POLR2E: variants seen among roughly 807,000 people sequenced by gnomAD.
POLR2E encodes the protein DNA-directed RNA polymerases I, II, and III subunit RPABC1.
Under a neutral mutation model 29.8 loss-of-function variants are expected in POLR2E, and 35 were observed. The ratio of observed to expected loss-of-function variants is 1.17; its 90% CI spans 0.90 to 1.55. POLR2E has a LOEUF of 1.55. Ranked by LOEUF, POLR2E falls within the 40% of genes most tolerant of loss-of-function variation. The pLI, the probability that POLR2E is intolerant of heterozygous loss-of-function variation, is 0.00. For synonymous variants in POLR2E, 174 were observed against 112.6 expected (o/e 1.55, Z -3.45); for missense variants, 287 against 288.6 (o/e 0.99, Z 0.04).
Position 1,095,295 on chromosome 19 carries a change from C to A in POLR2E, c.21G>T (p.Thr7=). The A allele has an allele frequency of 6.2e-7, 1 of 1,613,244 alleles. No individual in the cohort carries two copies. The part of the protein sequence containing the change: MDDEEE[T]YRLWKIRKTI... Reference sequence around the variant, plus strand: ...TCTTGCGGATTTTCCAGAGCCGGTACGTCTCCTCCTCGTCGTCCATGGCAG... The same window carrying A: ...TCTTGCGGATTTTCCAGAGCCGGTAAGTCTCCTCCTCGTCGTCCATGGCAG... The change falls in exon 1 of 8, where the codon ACG becomes ACT. Residue 7 remains threonine, a synonymous_variant. Coordinates refer to ENST00000615234, the MANE Select transcript of POLR2E (RefSeq NM_002695.5).
At position 1,087,704 on chromosome 19, in the gene POLR2E, T is replaced by C. The variant is rs1397097895; in HGVS notation, c.*1031A>G. On this transcript the variant is annotated 3_prime_UTR_variant, in exon 8 of 8. Coordinates refer to ENST00000615234, the MANE Select transcript of POLR2E (RefSeq NM_002695.5). ...TACATTTGGAGAGAAGGGGAAGCAC[T>C]GTCCCCATCACACACACAGTCCGCG... 7.6e-6 allele frequency: 1 copy of C among 132,446 alleles called. No homozygotes were observed. The highest frequency in any genetic ancestry group is 1.8e-5 in the Non-Finnish European group (1 of 55,604). 8.2% of individuals were successfully genotyped at this position (132,446 alleles called of 1,614,324 possible).
Position 1,087,718 on chromosome 19 carries a change from A to G in POLR2E, c.*1017T>C, listed in dbSNP as rs569146969. 6.6e-6 allele frequency: 1 copy of G among 152,492 alleles called. No individual in the cohort carries two copies. Among genetic ancestry groups the G allele is most frequent in the South Asian group, 2.1e-4 (1 of 4,840 alleles). 9.4% of individuals were successfully genotyped at this position (152,492 alleles called of 1,614,324 possible). A position where few individuals can be genotyped will look rare whatever the true frequency, so the allele number is the denominator to read the frequency against. On this transcript the variant is annotated 3_prime_UTR_variant, in exon 8 of 8. Coordinates refer to ENST00000615234, the MANE Select transcript of POLR2E (RefSeq NM_002695.5). ...AGGGGAAGCACTGTCCCCATCACAC[A>G]CACAGTCCGCGGCCTGGGGATCTGG...
At chr19:1,093,660 G>GA in intron 2 of POLR2E, 1 of 1,130,026 alleles carries the variant, frequency 8.8e-7, no homozygotes, top group Non-Finnish European at 1.2e-6. Context: ...AGGCCCTTGT[G>GA]ACTCTCCTCG....
intron 7 of POLR2E, among the ~76,000 whole-genome samples, chr19:1,089,215 G>A (rs1167038036): frequency 6.6e-6 from 1 of 152,234 alleles, no homozygotes; most frequent in Non-Finnish European, 1.5e-5. Flanking sequence ...TGCTTCTAAG[G>A]TGGGTCAGCG....
chr19:1,091,982 C>G lies in POLR2E; in HGVS notation c.233-75G>C. 1.2e-5 allele frequency: 12 copies of G among 1,016,412 alleles called. No individual in the cohort carries two copies. The South Asian group carries it at 1.4e-4, about 12-fold the overall frequency. 63.0% of individuals were successfully genotyped at this position (1,016,412 alleles called of 1,614,324 possible). A position where few individuals can be genotyped will look rare whatever the true frequency, so the allele number is the denominator to read the frequency against. On this transcript the variant is annotated intron_variant, in intron 2 of 7. Coordinates refer to ENST00000615234, the MANE Select transcript of POLR2E (RefSeq NM_002695.5). ...CTCGCCCACCCAGAGCCCAGAGCACCCAGGTTCCAGCCCCATTCCACACAG... is the reference window on the plus strand; with the variant it reads ...CTCGCCCACCCAGAGCCCAGAGCACGCAGGTTCCAGCCCCATTCCACACAG...
chr19:1,090,970 G>A lies in POLR2E; in HGVS notation c.367C>T (p.Pro123Ser). 6.2e-7 allele frequency: 1 copy of A among 1,613,670 alleles called. No homozygotes were observed. The highest frequency in any genetic ancestry group is 8.5e-7 in the Non-Finnish European group (1 of 1,179,984). Residue 123 changes from proline (P) to serine (S), a missense_variant, in exon 4 of 8, where the codon CCC becomes TCC. Pro to Ser is a moderately conservative substitution (Grantham distance 74). Transcript: ENST00000615234. ...SAKQSLVDMA[P>S]KYILEQFLQQ... ...AGAAACTGCTCCAGGATGTACTTGG[G>A]GGCCATGTCGACCAGGGACTGGAAG... is the stretch of plus-strand genomic sequence containing the variant.
chr19:1,089,610 A>ACAGCAGGCGGG, intron 6 of POLR2E, 59 bp from the exon 7 acceptor site: 2 of 1,442,812 alleles, frequency 1.4e-6, no homozygotes, highest in Non-Finnish European at 2.0e-6. Context: ...CAGTCACCAG[A>ACAGCAGGCGGG]CAGCAGGCGG....
At position 1,087,861 on chromosome 19, in the gene POLR2E, G is replaced by C. The variant is rs748336387; in HGVS notation, c.*874C>G. ...GTGGCTAGGTTAAACTTGGGCAGGC[G>C]AGGCCTTCTGAAATCAGACAGTAAG... On this transcript the variant is annotated 3_prime_UTR_variant, in exon 8 of 8. Transcript: ENST00000615234. 2.0e-5 allele frequency: 3 copies of C among 152,226 alleles called. No individual in the cohort carries two copies. The highest frequency in any genetic ancestry group is 2.9e-5 in the Non-Finnish European group (2 of 68,030). The allele number at this position is 152,226 out of a possible 1,614,324, so 9.4% of individuals were successfully genotyped here. A position where few individuals can be genotyped will look rare whatever the true frequency, so the allele number is the denominator to read the frequency against.
At position 1,091,001 on chromosome 19, in the gene POLR2E, G is replaced by C. The variant is rs537672972; in HGVS notation, c.349-13C>G. 6.2e-7 allele frequency: 1 copy of C among 1,612,802 alleles called. No homozygotes were observed. The highest frequency in any genetic ancestry group is 1.7e-5 in the Admixed American group (1 of 59,996). On this transcript the variant is annotated splice_polypyrimidine_tract_variant and intron_variant, in intron 3 of 7. Coordinates refer to ENST00000615234, the MANE Select transcript of POLR2E (RefSeq NM_002695.5). ...TGTCGACCAGGGACTGGAAGAGAGC[G>C]GCTCTAAGGCACGGCCCGGAGGGGC...
chr19:1,093,788 ACTGGGCAGAGAGACAAATG>A (rs1462069934), intron 2 of POLR2E, 97 bp downstream of exon 2: 1 of 1,425,246 alleles, frequency 7.0e-7, no homozygotes, highest in Non-Finnish European at 9.2e-7. Flanking sequence ...TTCCTCCCAG[ACTGGGCAGAGAGACAAATG>A]CTGGGCACCA....
rs1030960558 is a variant in POLR2E, at chr19:1,091,989, C to G, written c.233-82G>C. ...ACCCAGAGCCCAGAGCACCCAGGTT[C>G]CAGCCCCATTCCACACAGGTGTCTC... On this transcript the variant is annotated intron_variant, in intron 2 of 7. Coordinates refer to ENST00000615234, the MANE Select transcript of POLR2E (RefSeq NM_002695.5). The G allele has an allele frequency of 3.8e-5, 36 of 943,246 alleles. No homozygotes were observed. The South Asian group carries it at 4.7e-4, about 12-fold the overall frequency. The allele number at this position is 943,246 out of a possible 1,614,324, so 58.4% of individuals were successfully genotyped here.
At chr19:1,094,356 C>T (rs1225056376) in intron 1 of POLR2E, 1 of 437,450 alleles carries the variant, frequency 2.3e-6, no homozygotes, top group Non-Finnish European at 4.0e-6. Flanking sequence ...GAGCAAAGCC[C>T]TCCAAACCAC....
intron 2 of POLR2E, 38 bp from the exon 3 acceptor site, chr19:1,091,945 G>A: frequency 2.1e-6 from 3 of 1,407,674 alleles, no homozygotes; most frequent in Non-Finnish European, 2.0e-6. Flanking sequence ...ACGAGCCTGG[G>A]CCCTCGTGGC....
chr19:1,089,436 G>A (rs764366161), intron 7 of POLR2E, 36 bp downstream of exon 7: 30 of 1,428,368 alleles, frequency 2.1e-5, no homozygotes, highest in Middle Eastern at 1.8e-4. Flanking sequence ...CCCTGCCTCT[G>A]ACCCCACCTC....
At chr19:1,093,116 G>A (rs2043871874) in intron 2 of POLR2E, among the ~76,000 whole-genome samples, 1 of 151,814 alleles carries the variant, frequency 6.6e-6, no homozygotes, top group African/African-American at 2.4e-5. Flanking sequence ...AACTCAGGAG[G>A]TGGAGGCTGC....
At chr19:1,090,558 C>G (rs1034988173) in intron 4 of POLR2E, among the ~76,000 whole-genome samples, 1 of 148,412 alleles carries the variant, frequency 6.7e-6, no homozygotes, top group African/African-American at 2.5e-5. Flanking sequence ...GCTGGGACTA[C>G]AGGCGCTCGC....
At position 1,094,037 on chromosome 19, in the gene POLR2E, A is replaced by T; in HGVS notation, c.99T>A (p.Leu33=). ...DRGYLVTQDE[L]DQTLEEFKAQ... ...CTTTGAACTCCTCCAGGGTCTGGTC[A>T]AGCTCGTCCTGGGTCACCAGATAGC... Residue 33 remains leucine (L), a synonymous_variant, in exon 2 of 8, where the codon CTT becomes CTA. Transcript: ENST00000615234. 6.2e-7 allele frequency: 1 copy of T among 1,613,636 alleles called. No homozygotes were observed. The highest frequency in any genetic ancestry group is 8.5e-7 in the Non-Finnish European group (1 of 1,179,854).
chr19:1,091,150 C>T (rs2043820242), intron 3 of POLR2E, among the ~76,000 whole-genome samples, 162 bp from the exon 4 acceptor site: 1 of 152,206 alleles, frequency 6.6e-6, no homozygotes, highest in African/African-American at 2.4e-5. Context: ...CAACAGCCCG[C>T]CCCTCCCCAG....
intron 1 of POLR2E, chr19:1,094,439 G>T (rs762473465): frequency 4.2e-6 from 1 of 239,698 alleles, no homozygotes; most frequent in Non-Finnish European, 8.0e-6. Flanking sequence ...CAGTACTTAG[G>T]GAGGCTGAGG....
Sources: allele counts gnomAD v4.1 joint callset (sites outside exome capture counted in the v4.1 genomes callset), GRCh38; gene constraint gnomAD v4.1.1; transcripts MANE v1.5; gene names NCBI Gene and HGNC (gene_info 2026-07-23, HGNC 2026-07-21).